Variants in OPA1 observed in about 807,000 individuals in gnomAD.
OPA1 encodes OPA1 mitochondrial dynamin like GTPase.
OPA1 carries 59 observed loss-of-function variants against 152.9 expected under a neutral mutation model. The observed-to-expected ratio is 0.39, with a 90% confidence interval of 0.31 to 0.48. OPA1 has a LOEUF of 0.48. OPA1 is among the 20% of genes least tolerant of loss of function. The pLI, the probability that OPA1 is intolerant of heterozygous loss-of-function variation, is 0.96. For synonymous variants in OPA1, 400 were observed against 389.9 expected (o/e 1.03, Z -0.31); for missense variants, 1,008 against 1,216.8 (o/e 0.83, Z 2.55).
intron 29 of OPA1, among the ~76,000 whole-genome samples, chr3:193,672,884 A>C (rs1182662505): frequency 7.0e-6 from 1 of 142,536 alleles, no homozygotes; most frequent in Admixed American, 7.0e-5. Context: ...AAAAAAAAAA[A>C]CGAAAAACAA....
At chr3:193,607,922 C>T (rs1727547821) in intron 1 of OPA1, among the ~76,000 whole-genome samples, 1 of 152,136 alleles carries the variant, frequency 6.6e-6, no homozygotes, top group East Asian at 1.9e-4. Flanking sequence ...TTGTTTGTAT[C>T]CTCTTTTATT....
chr3:193,638,193 CTAGTGTGGAAAT>C (rs1182717377), intron 11 of OPA1, 128 bp downstream of exon 11: 1 of 757,246 alleles, frequency 1.3e-6, no homozygotes, highest in African/African-American at 1.7e-5. Flanking sequence ...GGAATGATCC[CTAGTGTGGAAAT>C]CAGTAGAAGG....
chr3:193,693,630 A>G (rs1420403702), intron 30 of OPA1, among the ~76,000 whole-genome samples: 2 of 152,110 alleles, frequency 1.3e-5, no homozygotes, highest in Non-Finnish European at 2.9e-5. Flanking sequence ...ACAGAGCGAG[A>G]CTCTTGTCTC....
At chr3:193,694,115 C>G (rs1577416857) in intron 30 of OPA1, among the ~76,000 whole-genome samples, 2 of 152,288 alleles carry the variant, frequency 1.3e-5, no homozygotes, top group East Asian at 3.9e-4. Context: ...TCTCTAAGAC[C>G]CTTTTCAACC....
chr3:193,654,729 A>G, intron 21 of OPA1, 133 bp from the exon 22 acceptor site: 7 of 865,732 alleles, frequency 8.1e-6, no homozygotes, highest in Non-Finnish European at 1.3e-5. Context: ...ATTTACAGGT[A>G]TATACACATG....
At chr3:193,631,350 A>G (rs1411168427) in intron 7 of OPA1, among the ~76,000 whole-genome samples, 2 of 152,206 alleles carry the variant, frequency 1.3e-5, no homozygotes, top group South Asian at 2.1e-4. Context: ...CTAGTCTTTC[A>G]TAAGAAATGA....
chr3:193,643,182 AATAATATATCATT>A (rs1418615051), intron 13 of OPA1, 133 bp downstream of exon 13: 4 of 916,534 alleles, frequency 4.4e-6, no homozygotes, highest in Non-Finnish European at 6.9e-6. Flanking sequence ...AAAAAATCCA[AATAATATATCATT>A]TTGTGGGTAA....
rs773125738 is a variant in OPA1, at chr3:193,640,836, C to CAGT, written c.1150-1928_1150-1926dup. Among the ~76,000 whole-genome samples the CAGT allele has an allele frequency of 3.9e-5, 6 of 152,250 alleles. No homozygotes were observed. The East Asian group carries it at 1.2e-3, about 29-fold the overall frequency. Reference sequence around the variant, plus strand: ...TATGGCAAGAATAGTGGGAGAAAGACAGTGAGGCTGATGCTGAAATCTTCA... The same window carrying CAGT: ...TATGGCAAGAATAGTGGGAGAAAGACAGTAGTGAGGCTGATGCTGAAATCTTCA... On this transcript the variant is annotated intron_variant, in intron 11 of 30. Transcript: ENST00000361510.
At chr3:193,610,236 G>T (rs1205350058) in intron 1 of OPA1, among the ~76,000 whole-genome samples, 2 of 152,198 alleles carry the variant, frequency 1.3e-5, no homozygotes, top group Non-Finnish European at 2.9e-5. Flanking sequence ...CTTTCTGTTT[G>T]TTAGTTTTCC....
chr3:193,606,887 T>A (rs1221122102), intron 1 of OPA1, among the ~76,000 whole-genome samples: 1 of 152,158 alleles, frequency 6.6e-6, no homozygotes, highest in Non-Finnish European at 1.5e-5. Context: ...CCACCAACAG[T>A]GTAAAAGTGT....
chr3:193,659,227 G>A (rs185450833), intron 24 of OPA1, among the ~76,000 whole-genome samples: 4 of 152,274 alleles, frequency 2.6e-5, no homozygotes, highest in Admixed American at 6.5e-5. Flanking sequence ...AAGCTATAAT[G>A]CAGAATATTT....
intron 28 of OPA1, among the ~76,000 whole-genome samples, chr3:193,666,909 C>T (rs1716690141): frequency 1.3e-5 from 2 of 152,098 alleles, no homozygotes; most frequent in Non-Finnish European, 1.5e-5. Flanking sequence ...TGGGAATGGA[C>T]TCCTAGGTAT....
rs145563233 is a variant in OPA1 at position 193,614,814 on chromosome 3, C to T, written c.124C>T (p.His42Tyr). 16 of 1,606,238 alleles carry T rather than the reference C, an allele frequency of 1.0e-5. No homozygotes were observed. The highest frequency in any genetic ancestry group is 1.4e-5 in the Non-Finnish European group (16 of 1,173,106). The change falls in exon 2 of 31, where the codon CAT becomes TAT. Residue 42 changes from histidine (H) to tyrosine (Y), a missense_variant. Transcript: ENST00000361510. ...KLHLVSRSIY[H>Y]SHHPTLKLQR... The stretch of plus-strand genomic sequence containing the variant: ...ACATCTGGTTTCACGAAGCATTTAT[C>T]ATTCACATCATCCTACCTTAAAGCT...
intron 29 of OPA1, among the ~76,000 whole-genome samples, chr3:193,671,986 C>G (rs886300821): frequency 1.3e-5 from 2 of 152,188 alleles, no homozygotes; most frequent in Non-Finnish European, 2.9e-5. Context: ...AATATGCCCA[C>G]TGGGACTTTC....
At chr3:193,675,123 C>T (rs1718690909) in intron 29 of OPA1, among the ~76,000 whole-genome samples, 1 of 151,996 alleles carries the variant, frequency 6.6e-6, no homozygotes, top group African/African-American at 2.4e-5. Context: ...ATTTGAACTG[C>T]ATCTGCACTG....
At chr3:193,650,723 A>G (rs1050076186) in intron 21 of OPA1, among the ~76,000 whole-genome samples, 19 of 152,282 alleles carry the variant, frequency 1.2e-4, no homozygotes, top group Non-Finnish European at 1.9e-4. Context: ...CATATAATAC[A>G]TTATAGTAGG....
chr3:193,674,709 T>C (rs1369684838), intron 29 of OPA1, among the ~76,000 whole-genome samples: 1 of 152,238 alleles, frequency 6.6e-6, no homozygotes, highest in African/African-American at 2.4e-5. Flanking sequence ...CCCTGGAACT[T>C]AATTTCTACA....
intron 29 of OPA1, 76 bp from the exon 30 acceptor site, chr3:193,691,987 C>A: frequency 1.2e-6 from 1 of 859,946 alleles, no homozygotes; most frequent in South Asian, 1.5e-5. Context: ...GTATACCAAC[C>A]ATTTAGTAAA....
intron 7 of OPA1, 31 bp downstream of exon 7, chr3:193,626,233 C>T (rs373101618): frequency 1.0e-4 from 146 of 1,461,440 alleles, no homozygotes; most frequent in Non-Finnish European, 1.3e-4. Context: ...GCTACCGATA[C>T]ATTCACACTA....
Sources: gnomAD v4.1 joint callset for allele counts (sites outside exome capture counted in the v4.1 genomes callset) on GRCh38, gnomAD v4.1.1 for gene constraint, MANE v1.5 for transcripts, NCBI Gene and HGNC (gene_info 2026-07-23, HGNC 2026-07-21) for gene names.